The following WDR27 variants were observed in gnomAD, a reference collection of about 807,000 sequenced individuals.
WDR27 encodes the protein WD repeat domain 27.
In WDR27, 100 loss-of-function variants were observed where a neutral mutation model predicts 114.4. The observed-to-expected ratio is 0.87, with a 90% CI of 0.74 to 1.03. WDR27 has a LOEUF of 1.03. Among genes scored for constraint, WDR27 ranks in the 50% least tolerant of loss-of-function variants. The probability of loss-of-function intolerance (pLI) is 0.00; values close to 1 mark genes in which losing one functional copy is unlikely to be tolerated. For missense variants in WDR27, 1,129 were observed against 1,092.9 expected, an observed-to-expected ratio of 1.03 and a Z score of -0.47; for synonymous variants, 449 against 423.1, an observed-to-expected ratio of 1.06 and a Z score of -0.75.
chr6:169,552,337 T>C (rs1176543917), intron 25 of WDR27, among the ~76,000 whole-genome samples: 1 of 152,170 alleles, frequency 6.6e-6, no homozygotes, highest in Non-Finnish European at 1.5e-5. Flanking sequence ...TCTCCCCCAC[T>C]GCACAAACAC....
intron 23 of WDR27, among the ~76,000 whole-genome samples, chr6:169,600,318 C>G (rs1229055383): frequency 6.6e-6 from 1 of 152,144 alleles, no homozygotes; most frequent in Non-Finnish European, 1.5e-5. Context: ...ATCTATACAT[C>G]ACCATCATCA....
intron 2 of WDR27, among the ~76,000 whole-genome samples, chr6:169,685,333 T>C (rs1220055387): frequency 6.7e-6 from 1 of 150,194 alleles, no homozygotes; most frequent in Non-Finnish European, 1.5e-5. Flanking sequence ...ACAACAATTT[T>C]CCAGTAACAG....
chr6:169,674,039 T>G (rs959621973), intron 2 of WDR27, among the ~76,000 whole-genome samples: 3 of 152,192 alleles, frequency 2.0e-5, no homozygotes, highest in Admixed American at 6.5e-5. Flanking sequence ...TGGCTTAGGG[T>G]AATCTAGGAC....
rs41265381 is a variant in WDR27 at position 169,658,343 on chromosome 6, C to T, written c.1335G>A (p.Pro445=). The part of the protein sequence containing the change: ...LSVPASSCVL[P]TSPLYLGIAK... The stretch of plus-strand genomic sequence containing the variant: ...CAATTCCCAGATACAGTGGAGAGGT[C>T]GGTAGGACACAGGAGCTGAAACAGA... Residue 445 remains proline, a synonymous_variant, in exon 13 of 26, where the codon CCG becomes CCA. Coordinates refer to ENST00000448612, the MANE Select transcript of WDR27 (RefSeq NM_182552.5). 192,605 of 1,595,020 alleles carry T rather than the reference C, an allele frequency of 0.12. 12,272 individuals carry two copies. Among genetic ancestry groups the T allele is most frequent in the African/African-American group, 0.16 (11,930 of 74,386 alleles).
chr6:169,697,287 G>A (rs1348818593), intron 1 of WDR27, among the ~76,000 whole-genome samples: 2 of 152,262 alleles, frequency 1.3e-5, no homozygotes, highest in East Asian at 1.9e-4. Context: ...CTTCTGTTAT[G>A]CCCAGACAGG....
the WDR27 span, among the ~76,000 whole-genome samples, chr6:169,427,825 AAC>A: frequency 6.6e-6 from 1 of 151,520 alleles, no homozygotes; most frequent in East Asian, 2.0e-4. Flanking sequence ...AAAAAAAAAA[AAC>A]CATTTCCAGG....
intron 25 of WDR27, among the ~76,000 whole-genome samples, chr6:169,480,849 C>A (rs1787940781): frequency 6.1e-5 from 9 of 148,278 alleles, no homozygotes; most frequent in Admixed American, 5.3e-4. Flanking sequence ...CCAATCAGCA[C>A]TCTGTGTCTA....
intron 16 of WDR27, among the ~76,000 whole-genome samples, chr6:169,645,055 A>AAAAAAAAAAAAAT (rs1820296659): frequency 1.7e-5 from 1 of 57,682 alleles, no homozygotes; most frequent in Non-Finnish European, 3.0e-5. Flanking sequence ...AAAAAAAAAA[A>AAAAAAAAAAAAAT]AAAGAAAATC....
At chr6:169,499,699 G>T (rs1790880086) in intron 25 of WDR27, among the ~76,000 whole-genome samples, 1 of 152,254 alleles carries the variant, frequency 6.6e-6, no homozygotes, top group Non-Finnish European at 1.5e-5. Context: ...CCAGAACACA[G>T]GAGAAGGCAC....
rs992847426 is a variant in WDR27 at position 169,665,614 on chromosome 6, G to A, written c.713-58C>T. On this transcript the variant is annotated intron_variant, in intron 6 of 25. Coordinates refer to ENST00000448612, the MANE Select transcript of WDR27 (RefSeq NM_182552.5). Reference sequence around the variant, plus strand: ...GTAAGTGCCTGGTACCAATTAACCCGAGAACTGTCAGTTTTACTTATCTCT... The same window carrying A: ...GTAAGTGCCTGGTACCAATTAACCCAAGAACTGTCAGTTTTACTTATCTCT... 83 of 1,506,038 alleles carry A rather than the reference G, an allele frequency of 5.5e-5. 1 individual carries two copies. Among genetic ancestry groups the A allele is most frequent in the Non-Finnish European group, 6.7e-5 (73 of 1,095,464 alleles). The allele number at this position is 1,506,038 out of a possible 1,614,324, so 93.3% of individuals were successfully genotyped here. A position where few individuals can be genotyped will look rare whatever the true frequency, so the allele number is the denominator to read the frequency against.
chr6:169,564,127 G>GC lies in WDR27; in HGVS notation c.2645+8291dup, dbSNP rs1800082056. ...TCAGTCTGTGGCCGAAGGCCCAAGA[G>GC]CCCCTGGCAAACCACTAGTGTAAGT... On this transcript the variant is annotated intron_variant, in intron 25 of 25. Coordinates refer to ENST00000448612, the MANE Select transcript of WDR27 (RefSeq NM_182552.5). Among the ~76,000 whole-genome samples the GC allele has an allele frequency of 2.6e-5, 4 of 152,346 alleles. No homozygotes were observed. In the South Asian group the frequency reaches 8.3e-4, roughly 32 times the overall value.
At chr6:169,564,048 G>GACCTACAAGCTGAGGAC (rs1409328703) in intron 25 of WDR27, among the ~76,000 whole-genome samples, 5 of 152,210 alleles carry the variant, frequency 3.3e-5, no homozygotes, top group Non-Finnish European at 7.3e-5. Flanking sequence ...GAGGAGCAAG[G>GACCTACAAGCTGAGGAC]AAGCCAGACC....
Position 169,664,849 on chromosome 6 carries a change from A to G in WDR27, c.784-563T>C, listed in dbSNP as rs77141886. 3.3e-3 allele frequency: 3,155 copies of G among 956,080 alleles called. 72 individuals carry two copies. Among genetic ancestry groups the G allele is most frequent in the Middle Eastern group, 0.014 (25 of 1,834 alleles). The allele number at this position is 956,080 out of a possible 1,614,324, so 59.2% of individuals were successfully genotyped here. On this transcript the variant is annotated intron_variant, in intron 7 of 25. Transcript: ENST00000448612. Reference sequence around the variant, plus strand: ...AGATGACAGGAAAGGGGAGCACAAGAAGCACGGGGGATGCCACACAGGAGC... The same window carrying G: ...AGATGACAGGAAAGGGGAGCACAAGGAGCACGGGGGATGCCACACAGGAGC...
At chr6:169,610,073 T>G (rs9383504) in intron 22 of WDR27, among the ~76,000 whole-genome samples, 13,665 of 152,226 alleles carry the variant, frequency 0.09, 1,699 homozygotes, top group East Asian at 0.58. Context: ...CACCTCAGCC[T>G]GAACCTTATT....
chr6:169,568,896 G>T (rs1800916371), intron 25 of WDR27, among the ~76,000 whole-genome samples: 1 of 152,120 alleles, frequency 6.6e-6, no homozygotes, highest in South Asian at 2.1e-4. Context: ...CTTCTCTGTG[G>T]GATGTGGTAC....
At chr6:169,458,226 A>G (rs1380699891) in intron 25 of WDR27, among the ~76,000 whole-genome samples, 2 of 152,170 alleles carry the variant, frequency 1.3e-5, no homozygotes, top group African/African-American at 2.4e-5. Context: ...CACACCTTTC[A>G]AAAGTGGTCT....
chr6:169,473,152 T>C (rs1277799425), intron 25 of WDR27, among the ~76,000 whole-genome samples: 1 of 152,098 alleles, frequency 6.6e-6, no homozygotes, highest in Non-Finnish European at 1.5e-5. Context: ...CAGATAAACA[T>C]ATTAGGACTT....
intron 25 of WDR27, among the ~76,000 whole-genome samples, chr6:169,548,261 C>T (rs1017109311): frequency 8.3e-5 from 7 of 84,546 alleles, no homozygotes; most frequent in South Asian, 3.5e-4. Context: ...CTTCCCAATT[C>T]GATCTACACA....
At position 169,688,863 on chromosome 6, in the gene WDR27, T is replaced by C. The variant is rs1215229538; in HGVS notation, c.143A>G (p.Asp48Gly). The change falls in exon 2 of 26, where the codon GAT becomes GGT. Residue 48 changes from aspartate (D) to glycine (G), a missense_variant. By Grantham distance (94) the Asp-to-Gly change is moderately conservative. Transcript: ENST00000448612. ...CSMQDCAFPLDGTELCIWNTK... is the reference protein window; with the variant it reads ...CSMQDCAFPLGGTELCIWNTK... ...GTTCCATATACAAAGTTCAGTTCCA[T>C]CCAAAGGGAAAGCACAGTCCTGCAT... 1 of 1,613,296 alleles carries C rather than the reference T, an allele frequency of 6.2e-7. No homozygotes were observed. Among genetic ancestry groups the C allele is most frequent in the South Asian group, 1.1e-5 (1 of 90,842 alleles).
Sources: gnomAD v4.1 joint callset for allele counts (sites outside exome capture counted in the v4.1 genomes callset) on GRCh38, gnomAD v4.1.1 for gene constraint, MANE v1.5 for transcripts, NCBI Gene and HGNC (gene_info 2026-07-23, HGNC 2026-07-21) for gene names.